The following EPHA6 variants were observed in gnomAD, a reference collection of about 807,000 sequenced individuals.
EPHA6 encodes EPH receptor A6, also known as ephrin type-A receptor 6.
Under a neutral mutation model 112.0 loss-of-function variants are expected in EPHA6, and 50 were observed. The observed-to-expected ratio is 0.45, with a 90% CI of 0.36 to 0.56. The LOEUF is 0.56. Among genes scored for constraint, EPHA6 ranks in the 20% least tolerant of loss-of-function variants. The pLI is 0.00. For missense variants in EPHA6, 1,280 were observed against 1,417.4 expected (o/e 0.90, Z 1.56); for synonymous variants, 529 against 490.7 (o/e 1.08, Z -1.03).
At chr3:96,868,710 GT>G (rs1461253889) in intron 2 of EPHA6, among the ~76,000 whole-genome samples, 1 of 151,868 alleles carries the variant, frequency 6.6e-6, no homozygotes, top group Non-Finnish European at 1.5e-5. Context: ...GGTAAAGTAT[GT>G]TTGGTATTAT....
chr3:97,570,409 A>G (rs2093321043), intron 11 of EPHA6, among the ~76,000 whole-genome samples: 1 of 152,142 alleles, frequency 6.6e-6, no homozygotes, highest in Non-Finnish European at 1.5e-5. Flanking sequence ...TTAGGTTTAT[A>G]TGGGGGAGGA....
chr3:97,022,971 A>G (rs2044514273), intron 3 of EPHA6, among the ~76,000 whole-genome samples: 1 of 152,286 alleles, frequency 6.6e-6, no homozygotes, highest in South Asian at 2.1e-4. Flanking sequence ...ATCAAATAGG[A>G]GGACAAGTTA....
intron 3 of EPHA6, among the ~76,000 whole-genome samples, chr3:97,185,082 T>C (rs1442428399): frequency 6.6e-6 from 1 of 151,758 alleles, no homozygotes; most frequent in East Asian, 1.9e-4. Context: ...GATTAAAGAC[T>C]TCAATGTTAG....
At chr3:97,227,749 A>T (rs2078402457) in intron 4 of EPHA6, among the ~76,000 whole-genome samples, 1 of 139,020 alleles carries the variant, frequency 7.2e-6, no homozygotes, top group African/African-American at 3.3e-5. Context: ...CATGGGACCC[A>T]TGTACAAAAA....
intron 3 of EPHA6, among the ~76,000 whole-genome samples, chr3:97,051,610 T>A (rs2045687470): frequency 2.0e-5 from 3 of 152,100 alleles, no homozygotes; most frequent in Admixed American, 2.0e-4. Flanking sequence ...ATTAGGAATG[T>A]GTATTTTTAA....
At chr3:97,659,732 C>T (rs1314190595) in intron 14 of EPHA6, among the ~76,000 whole-genome samples, 2 of 151,902 alleles carry the variant, frequency 1.3e-5, no homozygotes, top group African/African-American at 4.8e-5. Flanking sequence ...ATTGCAGGCA[C>T]TACTTTGAAA....
intron 5 of EPHA6, among the ~76,000 whole-genome samples, chr3:97,303,311 A>G (rs1370834385): frequency 1.4e-4 from 21 of 152,078 alleles, no homozygotes; most frequent in Admixed American, 1.4e-3. Flanking sequence ...AAAATAAGCT[A>G]AAAGAATTTT....
At chr3:97,395,056 A>G (rs1488631100) in intron 5 of EPHA6, among the ~76,000 whole-genome samples, 6 of 151,808 alleles carry the variant, frequency 4.0e-5, no homozygotes, top group Admixed American at 1.3e-4. Context: ...GTGATATTTC[A>G]GGGCTGTTAC....
intron 13 of EPHA6, among the ~76,000 whole-genome samples, chr3:97,621,534 A>G (rs2093814291): frequency 6.6e-6 from 1 of 151,908 alleles, no homozygotes; most frequent in African/African-American, 2.4e-5. Flanking sequence ...GGGTCTTGGT[A>G]GCATAAAGGT....
At chr3:97,707,089 T>C (rs967925681) in intron 14 of EPHA6, among the ~76,000 whole-genome samples, 5 of 152,154 alleles carry the variant, frequency 3.3e-5, no homozygotes, top group African/African-American at 9.7e-5. Flanking sequence ...TTTCTTTTTT[T>C]CCTTATCATT....
At chr3:97,014,991 G>T (rs537147353) in intron 3 of EPHA6, among the ~76,000 whole-genome samples, 1 of 152,140 alleles carries the variant, frequency 6.6e-6, no homozygotes, top group East Asian at 1.9e-4. Flanking sequence ...AATTGAAATG[G>T]TTCCTTTAGT....
intron 3 of EPHA6, among the ~76,000 whole-genome samples, chr3:97,183,993 C>T (rs1310790870): frequency 6.6e-6 from 1 of 152,022 alleles, no homozygotes; most frequent in Non-Finnish European, 1.5e-5. Flanking sequence ...ATTTTAAAAT[C>T]ATCATTGAAA....
rs59572757 is a variant in EPHA6, at chr3:96,835,068, A to T, written c.385+20060A>T. 3.3e-3 allele frequency among the ~76,000 whole-genome samples: 509 copies of T among 152,158 alleles called. 4 individuals are homozygous for T. Among genetic ancestry groups the T allele is most frequent in the African/African-American group, 0.012 (483 of 41,540 alleles). ...CAACACTTCAAAAACTGACATAATG[A>T]GTTTGAGTAATTTGCTCAAGGTCAA... On this transcript the variant is annotated intron_variant, in intron 1 of 17. Coordinates refer to ENST00000389672, the MANE Select transcript of EPHA6 (RefSeq NM_001080448.3).
intron 5 of EPHA6, among the ~76,000 whole-genome samples, chr3:97,333,451 C>T (rs745470810): frequency 3.4e-5 from 5 of 146,498 alleles, no homozygotes; most frequent in Non-Finnish European, 7.5e-5. Context: ...TCTTCCTTTA[C>T]ACTCTGTATG....
intron 7 of EPHA6, among the ~76,000 whole-genome samples, chr3:97,449,424 G>GA (rs2090456185): frequency 6.6e-6 from 1 of 151,838 alleles, no homozygotes; most frequent in African/African-American, 2.4e-5. Flanking sequence ...AAATATATAA[G>GA]AAAAATCTGT....
At chr3:97,680,490 C>T (rs1208061273) in intron 14 of EPHA6, among the ~76,000 whole-genome samples, 1 of 152,122 alleles carries the variant, frequency 6.6e-6, no homozygotes, top group Non-Finnish European at 1.5e-5. Context: ...CTACTATTTG[C>T]AATATAGATA....
intron 8 of EPHA6, among the ~76,000 whole-genome samples, chr3:97,477,698 C>A (rs1281352415): frequency 1.3e-5 from 2 of 152,092 alleles, no homozygotes; most frequent in Non-Finnish European, 2.9e-5. Flanking sequence ...GAAGAATAAA[C>A]CTTACTGTAT....
intron 5 of EPHA6, among the ~76,000 whole-genome samples, chr3:97,398,092 A>C (rs1311643870): frequency 1.3e-5 from 2 of 151,472 alleles, no homozygotes; most frequent in African/African-American, 2.4e-5. Context: ...AATAGTACCT[A>C]TATTTTTCTC....
At chr3:96,894,077 G>A (rs1319429992) in intron 2 of EPHA6, among the ~76,000 whole-genome samples, 1 of 152,120 alleles carries the variant, frequency 6.6e-6, no homozygotes, top group Non-Finnish European at 1.5e-5. Context: ...TAAGTTTCAA[G>A]ACTTTTAAGG....
Sources: gnomAD v4.1 joint callset for allele counts (sites outside exome capture counted in the v4.1 genomes callset) on GRCh38, gnomAD v4.1.1 for gene constraint, MANE v1.5 for transcripts, NCBI Gene and HGNC (gene_info 2026-07-23, HGNC 2026-07-21) for gene names.